The following MAP3K8 variants were observed in gnomAD, a reference collection of about 807,000 sequenced individuals.
MAP3K8 encodes mitogen-activated protein kinase kinase kinase 8, also known as Ewing sarcoma transformant.
MAP3K8 carries 22 observed loss-of-function variants against 45.8 expected under a neutral mutation model. That is an observed-to-expected ratio of 0.48 (90% confidence interval 0.34 to 0.69). MAP3K8 has a LOEUF of 0.69. Ranked by LOEUF, MAP3K8 falls within the 30% of genes least tolerant of loss-of-function variation. The probability of loss-of-function intolerance (pLI) is 0.01; values close to 1 mark genes in which losing one functional copy is unlikely to be tolerated. For synonymous variants in MAP3K8, 223 were observed against 214.3 expected (o/e 1.04, Z -0.36); for missense variants, 419 against 585.0 (o/e 0.72, Z 2.93).
At position 30,447,916 on chromosome 10, in the gene MAP3K8, T is replaced by C; in HGVS notation, c.471T>C (p.Asp157=). Reference sequence around the variant, plus strand: ...TTGGAAAGGTATACTTGGCACAAGATATAAAGACGAAGAAAAGAATGGCGT... The same window carrying C: ...TTGGAAAGGTATACTTGGCACAAGACATAAAGACGAAGAAAAGAATGGCGT... The part of the protein sequence containing the change: ...GAFGKVYLAQ[D]IKTKKRMACK... The change falls in exon 4 of 9, where the codon GAT becomes GAC. Residue 157 remains aspartate (D), a synonymous_variant. Coordinates refer to ENST00000263056, the MANE Select transcript of MAP3K8 (RefSeq NM_005204.4). The C allele has an allele frequency of 6.2e-7, 1 of 1,611,788 alleles. No homozygotes were observed. Among genetic ancestry groups the C allele is most frequent in the Non-Finnish European group, 8.5e-7 (1 of 1,179,494 alleles).
intron 4 of MAP3K8, among the ~76,000 whole-genome samples, chr10:30,449,901 T>C (rs1447654989): frequency 6.6e-6 from 1 of 152,178 alleles, no homozygotes; most frequent in Non-Finnish European, 1.5e-5. Context: ...ATATTGAAAA[T>C]ACAACCTAAA....
In MAP3K8 at chr10:30,458,075, C is replaced by A; in HGVS notation, c.874-9C>A. ...GAATGAAGCTGAATGTTTCCCACTTCTTTTTCAGATTTACATGAGCCCAGA... is the reference window on the plus strand; with the variant it reads ...GAATGAAGCTGAATGTTTCCCACTTATTTTTCAGATTTACATGAGCCCAGA... On this transcript the variant is annotated splice_polypyrimidine_tract_variant and intron_variant, in intron 6 of 8. Coordinates refer to ENST00000263056, the MANE Select transcript of MAP3K8 (RefSeq NM_005204.4). The A allele has an allele frequency of 6.8e-7, 1 of 1,462,364 alleles. No homozygotes were observed. Among genetic ancestry groups the A allele is most frequent in the Non-Finnish European group, 9.1e-7 (1 of 1,096,910 alleles). The allele number at this position is 1,462,364 out of a possible 1,614,324, so 90.6% of individuals were successfully genotyped here.
At chr10:30,449,454 C>T (rs554411011) in intron 4 of MAP3K8, among the ~76,000 whole-genome samples, 2 of 152,140 alleles carry the variant, frequency 1.3e-5, no homozygotes, top group South Asian at 2.1e-4. Flanking sequence ...TACATTTGTA[C>T]GTTCAGTTGA....
At chr10:30,452,405 G>C (rs1836575928) in intron 6 of MAP3K8, among the ~76,000 whole-genome samples, 1 of 151,924 alleles carries the variant, frequency 6.6e-6, no homozygotes, top group Non-Finnish European at 1.5e-5. Flanking sequence ...GGAGGCAGAG[G>C]TTGAGGTGAG....
intron 8 of MAP3K8, among the ~76,000 whole-genome samples, chr10:30,460,123 G>T (rs764008743): frequency 6.6e-6 from 1 of 152,180 alleles, no homozygotes; most frequent in Non-Finnish European, 1.5e-5. Flanking sequence ...GATTACAGGC[G>T]TGAGCAACCA....
At chr10:30,451,872 C>T (rs1836551793) in intron 6 of MAP3K8, 128 bp downstream of exon 6, 2 of 519,120 alleles carry the variant, frequency 3.9e-6, no homozygotes, top group Non-Finnish European at 6.8e-6. Flanking sequence ...CATTATTTTC[C>T]TTGGAACACA....
chr10:30,444,189 T>TA (rs879650669), intron 3 of MAP3K8, among the ~76,000 whole-genome samples: 1,580 of 137,580 alleles, frequency 0.011, 23 homozygotes, highest in African/African-American at 0.038. Context: ...GACCCTGTCT[T>TA]AAAAAAAAAA....
intron 6 of MAP3K8, 26 bp from the exon 7 acceptor site, chr10:30,458,058 C>T (rs1443553127): frequency 1.7e-5 from 25 of 1,437,530 alleles, no homozygotes; most frequent in Non-Finnish European, 2.3e-5. Context: ...GGGAATGAAG[C>T]TGAATGTTTC....
At chr10:30,449,713 T>G (rs1042438938) in intron 4 of MAP3K8, among the ~76,000 whole-genome samples, 12 of 152,194 alleles carry the variant, frequency 7.9e-5, no homozygotes, top group Non-Finnish European at 5.9e-5. Context: ...TTTCGACATG[T>G]TGGCCAGGCT....
rs8177013 is a variant in MAP3K8, at chr10:30,453,372, T to C, written c.873+1628T>C. Among the ~76,000 whole-genome samples, 1,352 of 152,282 alleles carry C rather than the reference T, an allele frequency of 8.9e-3. 24 individuals carry two copies. The highest frequency in any genetic ancestry group is 0.031 in the African/African-American group (1,278 of 41,546). ...CCTCTCTTTGAGCCTAGGAATTCTA[T>C]AATAAACCTCAAGTAGTGAGCATAA... On this transcript the variant is annotated intron_variant, in intron 6 of 8. Coordinates refer to ENST00000263056, the MANE Select transcript of MAP3K8 (RefSeq NM_005204.4).
In MAP3K8 at chr10:30,461,265, T is replaced by A. The variant is rs2132841736; in HGVS notation, c.*429T>A. On this transcript the variant is annotated 3_prime_UTR_variant, in exon 9 of 9. Transcript: ENST00000263056. ...TGTATATTGGTGTATATTATATAAC[T>A]CTTTGAGCCTTTATTGGTAAATTCT... 1 of 220,078 alleles carries A rather than the reference T, an allele frequency of 4.5e-6. No homozygotes were observed. Among genetic ancestry groups the A allele is most frequent in the East Asian group, 6.8e-5 (1 of 14,804 alleles). The allele number at this position is 220,078 out of a possible 1,614,324, so 13.6% of individuals were successfully genotyped here.
chr10:30,460,867 G>A lies in MAP3K8; in HGVS notation c.*31G>A, dbSNP rs949347104. On this transcript the variant is annotated 3_prime_UTR_variant, in exon 9 of 9. Coordinates refer to ENST00000263056, the MANE Select transcript of MAP3K8 (RefSeq NM_005204.4). The stretch of plus-strand genomic sequence containing the variant: ...GCCATGTTTGCTCTAAATTAAGACA[G>A]CATTGATCTCCTGGAGGCTGGTTCT... The A allele has an allele frequency of 1.2e-6, 2 of 1,610,688 alleles. No individual in the cohort carries two copies. The highest frequency in any genetic ancestry group is 2.7e-5 in the African/African-American group (2 of 74,884).
chr10:30,453,915 A>AAGGAAG (rs376239307), intron 6 of MAP3K8, among the ~76,000 whole-genome samples: 3 of 129,108 alleles, frequency 2.3e-5, no homozygotes, highest in African/African-American at 9.6e-5. Context: ...AGGGAGAGAG[A>AAGGAAG]GAAGGAAGGA....
At chr10:30,435,406 T>C (rs887647950) in intron 1 of MAP3K8, among the ~76,000 whole-genome samples, 12 of 152,074 alleles carry the variant, frequency 7.9e-5, no homozygotes, top group Non-Finnish European at 1.5e-5. Context: ...TTGAGGCATG[T>C]AGAGGTTTTG....
rs8177048 is a variant in MAP3K8 at position 30,434,535 on chromosome 10, C to T, written c.-255+157C>T. 7,023 of 985,746 alleles carry T rather than the reference C, an allele frequency of 7.1e-3. 32 individuals are homozygous for T. The highest frequency in any genetic ancestry group is 7.8e-3 in the Non-Finnish European group (6,513 of 830,174). The allele number at this position is 985,746 out of a possible 1,614,324, so 61.1% of individuals were successfully genotyped here. ...CGTGCCCACAGCTGCGCTCGCGGGT[C>T]GCCGGCTGCACCAGGCACAGCTGGA... On this transcript the variant is annotated intron_variant, in intron 1 of 8. Transcript: ENST00000263056.
intron 1 of MAP3K8, chr10:30,434,635 AGCGCCAGGGCAGT>A (rs1162261614): frequency 1.0e-6 from 1 of 985,734 alleles, no homozygotes; most frequent in Non-Finnish European, 1.2e-6. Context: ...CCGTATCCGC[AGCGCCAGGGCAGT>A]GCTGGTCTGG....
chr10:30,437,769 G>A (rs8176963), intron 2 of MAP3K8, among the ~76,000 whole-genome samples: 2,685 of 152,306 alleles, frequency 0.018, 80 homozygotes, highest in African/African-American at 0.06. Context: ...TCAGACGTGC[G>A]TGGCTTTAGC....
Position 30,461,057 on chromosome 10 carries a change from G to A in MAP3K8, c.*221G>A. 1 of 442,724 alleles carries A rather than the reference G, an allele frequency of 2.3e-6. No homozygotes were observed. The highest frequency in any genetic ancestry group is 4.0e-6 in the Non-Finnish European group (1 of 252,324). 27.4% of individuals were successfully genotyped at this position (442,724 alleles called of 1,614,324 possible). Reference sequence around the variant, plus strand: ...AAGGTTCTCATTTCTCAGGTGACGTGATTCTAAGGCAGGAATTTGAGAGTT... The same window carrying A: ...AAGGTTCTCATTTCTCAGGTGACGTAATTCTAAGGCAGGAATTTGAGAGTT... On this transcript the variant is annotated 3_prime_UTR_variant, in exon 9 of 9. Transcript: ENST00000263056.
In MAP3K8 at chr10:30,439,288, C is replaced by T. The variant is rs769129181; in HGVS notation, c.336+14C>T. ...TTATTAAACATGGTACGTTTCTTTCCGATCAGTTGGGTGCTATGTGCTCAG... is the reference window on the plus strand; with the variant it reads ...TTATTAAACATGGTACGTTTCTTTCTGATCAGTTGGGTGCTATGTGCTCAG... On this transcript the variant is annotated intron_variant, in intron 3 of 8. Transcript: ENST00000263056. 1.7e-5 allele frequency: 28 copies of T among 1,614,014 alleles called. No individual in the cohort carries two copies. Among genetic ancestry groups the T allele is most frequent in the Middle Eastern group, 1.6e-4 (1 of 6,062 alleles).
Sources: allele counts gnomAD v4.1 joint callset (sites outside exome capture counted in the v4.1 genomes callset), GRCh38; gene constraint gnomAD v4.1.1; transcripts MANE v1.5; gene names NCBI Gene and HGNC (gene_info 2026-07-23, HGNC 2026-07-21).